The following DENND1A variants were observed in gnomAD, a reference collection of about 807,000 sequenced individuals.
DENND1A encodes DENN domain containing 1A, also known as DENN domain-containing protein 1A.
In DENND1A, 51 loss-of-function variants were observed where a neutral mutation model predicts 113.7. The observed-to-expected ratio is 0.45, with a 90% CI of 0.36 to 0.57. DENND1A has a LOEUF of 0.57. DENND1A is among the 20% of genes least tolerant of loss of function. The probability of loss-of-function intolerance (pLI) is 0.00; values close to 1 mark genes in which losing one functional copy is unlikely to be tolerated. For missense variants in DENND1A, 1,258 were observed against 1,395.9 expected (o/e 0.90, Z 1.57); for synonymous variants, 565 against 570.8 (o/e 0.99, Z 0.14).
At chr9:123,426,203 A>C (rs1010263579) in intron 19 of DENND1A, among the ~76,000 whole-genome samples, 1 of 152,170 alleles carries the variant, frequency 6.6e-6, no homozygotes, top group Admixed American at 6.5e-5. Context: ...ACCAGTGGTC[A>C]GGGAGACAAT....
intron 9 of DENND1A, among the ~76,000 whole-genome samples, chr9:123,636,916 G>A (rs1020783936): frequency 1.3e-4 from 20 of 152,098 alleles, no homozygotes; most frequent in Admixed American, 1.1e-3. Context: ...GGCTGGTCTC[G>A]AACTCCTGAC....
chr9:123,638,548 C>A (rs1407100100), intron 9 of DENND1A, among the ~76,000 whole-genome samples: 1 of 152,170 alleles, frequency 6.6e-6, no homozygotes, highest in East Asian at 1.9e-4. Context: ...TGGCTCACTG[C>A]AACCTCTGCC....
At chr9:123,452,405 C>A (rs1414113541) in intron 16 of DENND1A, 58 bp from the exon 17 acceptor site, 1 of 1,340,368 alleles carries the variant, frequency 7.5e-7, no homozygotes. Flanking sequence ...CCAACACCAA[C>A]AAAGACTGCT....
chr9:123,777,933 T>C (rs1459623188), intron 3 of DENND1A, among the ~76,000 whole-genome samples: 3 of 152,198 alleles, frequency 2.0e-5, no homozygotes, highest in Non-Finnish European at 4.4e-5. Context: ...TTTTATTTCC[T>C]ACAACTTGCA....
intron 1 of DENND1A, among the ~76,000 whole-genome samples, chr9:123,918,010 A>G (rs1157001146): frequency 6.6e-6 from 1 of 151,356 alleles, no homozygotes; most frequent in Non-Finnish European, 1.5e-5. Context: ...GCTACTTGGA[A>G]GCCTGAGGCA....
At chr9:123,738,900 T>C (rs745477391) in intron 5 of DENND1A, among the ~76,000 whole-genome samples, 16 of 152,180 alleles carry the variant, frequency 1.1e-4, no homozygotes, top group Non-Finnish European at 2.1e-4. Context: ...TGGAAAAGAA[T>C]TGGGATTTGA....
At chr9:123,586,957 G>A (rs1390584257) in intron 11 of DENND1A, among the ~76,000 whole-genome samples, 1 of 151,994 alleles carries the variant, frequency 6.6e-6, no homozygotes, top group Non-Finnish European at 1.5e-5. Flanking sequence ...TCTTATTGCG[G>A]GATCTGGCCA....
intron 2 of DENND1A, among the ~76,000 whole-genome samples, chr9:123,863,499 A>C (rs947894431): frequency 3.9e-5 from 6 of 152,206 alleles, no homozygotes; most frequent in East Asian, 1.9e-4. Context: ...AAAGCTGCAG[A>C]GTAAACTACA....
At chr9:123,628,671 G>A (rs2061345468) in intron 10 of DENND1A, among the ~76,000 whole-genome samples, 1 of 152,166 alleles carries the variant, frequency 6.6e-6, no homozygotes, top group South Asian at 2.1e-4. Context: ...AAGAAGGGAT[G>A]AACACCAAAA....
chr9:123,827,150 T>C (rs1839454019), intron 2 of DENND1A, among the ~76,000 whole-genome samples: 2 of 152,218 alleles, frequency 1.3e-5, no homozygotes, highest in East Asian at 1.9e-4. Flanking sequence ...TTCATGCATA[T>C]AAAAAATTAA....
At chr9:123,796,293 A>G (rs1363670484) in intron 2 of DENND1A, among the ~76,000 whole-genome samples, 1 of 152,174 alleles carries the variant, frequency 6.6e-6, no homozygotes, top group Non-Finnish European at 1.5e-5. Context: ...AAGCATTTCC[A>G]TATTTGAACA....
chr9:123,658,370 T>C (rs2063070740), intron 8 of DENND1A, among the ~76,000 whole-genome samples: 1 of 152,350 alleles, frequency 6.6e-6, no homozygotes, highest in East Asian at 1.9e-4. Flanking sequence ...TCTGTGACTT[T>C]TTTTTAAATG....
chr9:123,489,964 A>C (rs2051227837), intron 13 of DENND1A, among the ~76,000 whole-genome samples: 1 of 152,226 alleles, frequency 6.6e-6, no homozygotes, highest in African/African-American at 2.4e-5. Context: ...TAAAATCTGT[A>C]AAGAAGCTGG....
chr9:123,459,045 C>T (rs896657510), intron 13 of DENND1A, among the ~76,000 whole-genome samples: 6 of 151,996 alleles, frequency 3.9e-5, no homozygotes, highest in African/African-American at 1.5e-4. Context: ...TTGGCAGGTG[C>T]CTGTAAGCCC....
At chr9:123,539,018 A>C (rs1028239230) in intron 13 of DENND1A, among the ~76,000 whole-genome samples, 7 of 151,798 alleles carry the variant, frequency 4.6e-5, no homozygotes, top group Non-Finnish European at 8.8e-5. Context: ...ATATTAAATG[A>C]GGGAAACTGT....
chr9:123,451,662 C>A (rs898150532), intron 17 of DENND1A, among the ~76,000 whole-genome samples: 16 of 152,202 alleles, frequency 1.1e-4, no homozygotes, highest in Admixed American at 9.8e-4. Context: ...ACCAGATAGA[C>A]CATGCTTCCG....
chr9:123,797,582 G>A (rs1275232837), intron 2 of DENND1A, among the ~76,000 whole-genome samples: 2 of 151,962 alleles, frequency 1.3e-5, no homozygotes, highest in Non-Finnish European at 2.9e-5. Flanking sequence ...GCGTTTCAAG[G>A]ACACTAGTAA....
intron 21 of DENND1A, chr9:123,402,501 G>C (rs754757778): frequency 2.2e-5 from 12 of 534,704 alleles, no homozygotes; most frequent in Admixed American, 1.9e-4. Context: ...CTGAGAGCCA[G>C]ACAGACATGG....
chr9:123,455,034 C>G (rs1439703125), intron 15 of DENND1A, among the ~76,000 whole-genome samples: 2 of 152,066 alleles, frequency 1.3e-5, no homozygotes, highest in Admixed American at 6.5e-5. Flanking sequence ...GTTGGCCAGG[C>G]TGGTCTCGAA....
Sources: gnomAD v4.1 joint callset for allele counts (sites outside exome capture counted in the v4.1 genomes callset) on GRCh38, gnomAD v4.1.1 for gene constraint, MANE v1.5 for transcripts, NCBI Gene and HGNC (gene_info 2026-07-23, HGNC 2026-07-21) for gene names.